The following PIR variants were observed in gnomAD, a reference collection of about 807,000 sequenced individuals.
PIR encodes pirin, also known as pirin (iron-binding nuclear protein).
PIR carries 22 observed loss-of-function variants against 24.2 expected under a neutral mutation model. The observed-to-expected ratio is 0.91, with a 90% confidence interval of 0.65 to 1.30. The LOEUF (loss-of-function observed/expected upper bound fraction) is 1.30, where lower values mean the gene tolerates loss of function less well. Ranked by LOEUF, PIR falls within the 50% of genes most tolerant of loss-of-function variation. The pLI, the probability that PIR is intolerant of heterozygous loss-of-function variation, is 0.00. For synonymous variants in PIR, 80 were observed against 79.6 expected (o/e 1.00, Z -0.03); for missense variants, 220 against 220.3 (o/e 1.00, Z 0.01).
intron 3 of PIR, among the ~76,000 whole-genome samples, chrX:15,476,529 C>T (rs979443609): frequency 1.8e-5 from 2 of 110,709 alleles, no homozygotes; most frequent in African/African-American, 6.6e-5. Flanking sequence ...AAAAGTTTAC[C>T]TCTGAAGGCA....
intron 5 of PIR, among the ~76,000 whole-genome samples, chrX:15,451,965 A>G (rs1048601538): frequency 9.0e-6 from 1 of 111,653 alleles, no homozygotes; most frequent in Non-Finnish European, 1.9e-5. Flanking sequence ...CAACCCTCTG[A>G]GCTGGGTCAT....
At chrX:15,393,938 A>G (rs982545805) in intron 8 of PIR, among the ~76,000 whole-genome samples, 2 of 109,680 alleles carry the variant, frequency 1.8e-5, no homozygotes, top group Non-Finnish European at 3.8e-5. Flanking sequence ...ATATATTACA[A>G]TGTAATAATA....
chrX:15,470,866 G>T lies in PIR; in HGVS notation c.189+8863C>A, dbSNP rs113002631. 3.7e-3 allele frequency among the ~76,000 whole-genome samples: 417 copies of T among 111,669 alleles called. 1 individual carries two copies. The highest frequency in any genetic ancestry group is 9.3e-3 in the Middle Eastern group (2 of 216). ...GATCCACCTGCCTTAGCCTCCAAAA[G>T]TGCTGGGATTACAGGCGTGAGCCAC... On this transcript the variant is annotated intron_variant, in intron 3 of 9. Transcript: ENST00000380420.
intron 6 of PIR, among the ~76,000 whole-genome samples, chrX:15,424,840 A>C (rs1394500814): frequency 9.0e-6 from 1 of 110,805 alleles, no homozygotes; most frequent in African/African-American, 3.3e-5. Flanking sequence ...TCTACAAAAG[A>C]ATTAAAAAAT....
intron 5 of PIR, among the ~76,000 whole-genome samples, chrX:15,445,060 C>G (rs1038939160): frequency 9.1e-6 from 1 of 109,416 alleles, no homozygotes; most frequent in South Asian, 4.1e-4. Context: ...TCCTGTGTAT[C>G]GCTTCTTTGT....
rs192976744 is a variant in PIR at position 15,431,542 on chromosome X, C to G, written c.481-5552G>C. ...GTGCTCTAAATTGTTTTTTCCCCAT[C>G]CAGTCTCCTATTGTTAGAAAGTTAA... On this transcript the variant is annotated intron_variant, in intron 5 of 9. Coordinates refer to ENST00000380420, the MANE Select transcript of PIR (RefSeq NM_001018109.3). 2.5e-3 allele frequency among the ~76,000 whole-genome samples: 282 copies of G among 111,193 alleles called. 1 individual carries two copies. Among genetic ancestry groups the G allele is most frequent in the African/African-American group, 8.4e-3 (257 of 30,588 alleles).
intron 6 of PIR, among the ~76,000 whole-genome samples, chrX:15,419,270 A>C (rs1393820405): frequency 9.0e-6 from 1 of 110,592 alleles, no homozygotes; most frequent in Admixed American, 9.7e-5. Context: ...TACTTGAATT[A>C]ATTGTTAGGC....
intron 6 of PIR, among the ~76,000 whole-genome samples, chrX:15,407,848 T>C (rs1924599276): frequency 8.9e-6 from 1 of 112,608 alleles, no homozygotes; most frequent in African/African-American, 3.2e-5. Flanking sequence ...GGCTACAAGC[T>C]GTATTACCAA....
At chrX:15,430,457 A>C (rs991233713) in intron 5 of PIR, among the ~76,000 whole-genome samples, 2 of 111,982 alleles carry the variant, frequency 1.8e-5, no homozygotes, top group Non-Finnish European at 3.8e-5. Context: ...TCTTCATAAG[A>C]GATTAAGGGT....
Position 15,491,159 on chromosome X carries a change from T to C in PIR, c.96+3A>G. ...ACAAGGAGCAGCCACCCAACTAGCATACCTCGGGTCTGCCAATGCTTCTCC... is the reference window on the plus strand; with the variant it reads ...ACAAGGAGCAGCCACCCAACTAGCACACCTCGGGTCTGCCAATGCTTCTCC... On this transcript the variant is annotated splice_donor_region_variant and intron_variant, in intron 2 of 9. Transcript: ENST00000380420. The C allele has an allele frequency of 8.6e-7, 1 of 1,168,534 alleles. No homozygotes were observed. The highest frequency in any genetic ancestry group is 1.2e-6 in the Non-Finnish European group (1 of 857,471).
chrX:15,419,617 C>T (rs977604799), intron 6 of PIR, among the ~76,000 whole-genome samples: 5 of 111,195 alleles, frequency 4.5e-5, no homozygotes, highest in Non-Finnish European at 5.7e-5. Context: ...TTTTTGAGGC[C>T]GGGTGTGGTA....
rs142291851 is a variant in PIR at position 15,415,009 on chromosome X, C to T, written c.566-7459G>A. Among the ~76,000 whole-genome samples the T allele has an allele frequency of 3.5e-3, 387 of 111,432 alleles. 1 individual carries two copies. The highest frequency in any genetic ancestry group is 0.012 in the African/African-American group (374 of 30,709). On this transcript the variant is annotated intron_variant, in intron 6 of 9. Transcript: ENST00000380420. ...CTCATTTAAAATTTTCAAGAATAGT[C>T]GTTTTTCTAACCTATGTACAAAATC...
chrX:15,411,026 C>T (rs750250317), intron 6 of PIR, among the ~76,000 whole-genome samples: 1 of 111,724 alleles, frequency 9.0e-6, no homozygotes, highest in South Asian at 3.7e-4. Context: ...TCTTTCTTCC[C>T]TCACCTCTCC....
chrX:15,399,453 G>C (rs1170397540), intron 7 of PIR, among the ~76,000 whole-genome samples: 2 of 111,867 alleles, frequency 1.8e-5, no homozygotes, highest in African/African-American at 6.5e-5. Flanking sequence ...AACAGAGCAG[G>C]AGTTCTCAAC....
intron 5 of PIR, among the ~76,000 whole-genome samples, chrX:15,453,789 C>T (rs752115093): frequency 6.8e-4 from 76 of 111,839 alleles, no homozygotes; most frequent in African/African-American, 2.5e-3. Context: ...CTTTAAATTG[C>T]CTTATGATTT....
chrX:15,392,651 T>C (rs1923995761), intron 8 of PIR, among the ~76,000 whole-genome samples: 1 of 112,171 alleles, frequency 8.9e-6, no homozygotes, highest in African/African-American at 3.2e-5. Flanking sequence ...TTCAAAAGTC[T>C]TGATTTACTC....
intron 3 of PIR, among the ~76,000 whole-genome samples, chrX:15,476,369 G>A (rs1221984132): frequency 8.9e-6 from 1 of 111,831 alleles, no homozygotes; most frequent in Non-Finnish European, 1.9e-5. Context: ...TCACTATTTT[G>A]AGGACCTTGA....
chrX:15,464,570 G>A (rs1921461913), intron 3 of PIR: 2 of 272,764 alleles, frequency 7.3e-6, no homozygotes, highest in Non-Finnish European at 5.0e-6. Flanking sequence ...GTAGGACAAT[G>A]CAGCTCCGAC....
intron 9 of PIR, among the ~76,000 whole-genome samples, chrX:15,385,740 A>T (rs980354391): frequency 3.3e-4 from 37 of 112,115 alleles, no homozygotes; most frequent in African/African-American, 1.0e-3. Context: ...TGTCTCAACT[A>T]CTCAACTCTT....
Sources: allele counts gnomAD v4.1 joint callset (sites outside exome capture counted in the v4.1 genomes callset), GRCh38; gene constraint gnomAD v4.1.1; transcripts MANE v1.5; gene names NCBI Gene and HGNC (gene_info 2026-07-23, HGNC 2026-07-21).